FOXJ3: variants seen among roughly 807,000 people sequenced by gnomAD.
FOXJ3 encodes the protein forkhead box protein J3.
In FOXJ3, 22 loss-of-function variants were observed where a neutral mutation model predicts 76.1. The observed-to-expected ratio is 0.29, with a 90% confidence interval of 0.21 to 0.41. FOXJ3 has a LOEUF of 0.41. Among genes scored for constraint, FOXJ3 ranks in the 10% least tolerant of loss-of-function variants. FOXJ3 has a pLI of 1.00. For synonymous variants in FOXJ3, 269 were observed against 261.2 expected, an observed-to-expected ratio of 1.03 and a Z score of -0.29; for missense variants, 613 against 762.1, an observed-to-expected ratio of 0.80 and a Z score of 2.30.
intron 2 of FOXJ3, among the ~76,000 whole-genome samples, chr1:42,282,772 C>G (rs1652811001): frequency 6.6e-6 from 1 of 152,198 alleles, no homozygotes; most frequent in Non-Finnish European, 1.5e-5. Flanking sequence ...TCAATCCCCT[C>G]TTTCCATCCT....
At chr1:42,239,022 T>C (rs1217157398) in intron 4 of FOXJ3, among the ~76,000 whole-genome samples, 2 of 152,228 alleles carry the variant, frequency 1.3e-5, no homozygotes, top group Non-Finnish European at 2.9e-5. Context: ...ATGTATTTTG[T>C]TAAAATGTAT....
At position 42,178,997 on chromosome 1, in the gene FOXJ3, T is replaced by C. The variant is rs1282380839; in HGVS notation, c.*713A>G. The C allele has an allele frequency of 6.6e-6, 1 of 152,640 alleles. No individual in the cohort carries two copies. The highest frequency in any genetic ancestry group is 1.5e-5 in the Non-Finnish European group (1 of 68,046). The allele number at this position is 152,640 out of a possible 1,614,324, so 9.5% of individuals were successfully genotyped here. On this transcript the variant is annotated 3_prime_UTR_variant, in exon 13 of 13. Transcript: ENST00000361346. ...CAATCAACAAATTTTAGAGCTATTA[T>C]AATGCAGATTTAGAAAAGCAGACAT...
At chr1:42,205,677 C>T (rs2124320508) in intron 6 of FOXJ3, 85 bp downstream of exon 6, 1 of 778,504 alleles carries the variant, frequency 1.3e-6, no homozygotes, top group Non-Finnish European at 2.2e-6. Flanking sequence ...TAAACTGAAC[C>T]ATATAGGATT....
chr1:42,265,223 A>C (rs1347167525), intron 3 of FOXJ3, 34 bp from the exon 4 acceptor site: 1 of 1,184,878 alleles, frequency 8.4e-7, no homozygotes, highest in Non-Finnish European at 1.2e-6. Context: ...TAAGGTCAAT[A>C]AAATCCAAAA....
intron 9 of FOXJ3, among the ~76,000 whole-genome samples, chr1:42,191,078 T>TA (rs1400315184): frequency 2.7e-5 from 3 of 110,306 alleles, no homozygotes; most frequent in African/African-American, 1.1e-4. Context: ...AGAGTTAAAA[T>TA]AAAAACCTGC....
intron 5 of FOXJ3, among the ~76,000 whole-genome samples, chr1:42,224,896 C>T (rs908724984): frequency 3.3e-5 from 5 of 151,438 alleles, no homozygotes; most frequent in African/African-American, 9.7e-5. Flanking sequence ...AGACCAGCCT[C>T]GGCAACATGG....
intron 7 of FOXJ3, among the ~76,000 whole-genome samples, chr1:42,196,146 TAC>T (rs945831688): frequency 1.2e-4 from 18 of 152,360 alleles, no homozygotes; most frequent in African/African-American, 4.3e-4. Flanking sequence ...GTTCCTCTAT[TAC>T]AGAGTGAGCT....
intron 4 of FOXJ3, among the ~76,000 whole-genome samples, chr1:42,228,321 T>C (rs1484919920): frequency 1.3e-5 from 2 of 152,130 alleles, no homozygotes; most frequent in Non-Finnish European, 2.9e-5. Flanking sequence ...TACTGTAGTT[T>C]CTATAGCCCA....
rs753793818 is a variant in FOXJ3 at position 42,205,848 on chromosome 1, T to C, written c.544A>G (p.Ser182Gly). The change falls in exon 6 of 13, where the codon AGC becomes GGC. Residue 182 changes from serine to glycine, a missense_variant. Transcript: ENST00000361346. ...RSVERASTPY[S>G]IDSDSLGMEC... Reference sequence around the variant, plus strand: ...ATTCCCAAAGAATCTGAATCTATGCTATATGGAGTTGAGGCCTAAAATACA... The same window carrying C: ...ATTCCCAAAGAATCTGAATCTATGCCATATGGAGTTGAGGCCTAAAATACA... 1.2e-6 allele frequency: 2 copies of C among 1,606,500 alleles called. No homozygotes were observed.
chr1:42,183,308 TGGGGG>T (rs1646364262), intron 11 of FOXJ3, among the ~76,000 whole-genome samples: 2 of 3,832 alleles, frequency 5.2e-4, no homozygotes, highest in African/African-American at 9.8e-4. Context: ...CGGGGCGGGG[TGGGGG>T]AGGGGAGGGG....
intron 11 of FOXJ3, among the ~76,000 whole-genome samples, chr1:42,183,038 G>A (rs372208055): frequency 5.3e-5 from 8 of 150,344 alleles, no homozygotes; most frequent in South Asian, 2.1e-4. Flanking sequence ...ACTTTGGGAG[G>A]CAGAGGCGGG....
chr1:42,267,890 A>G (rs1392465495), intron 3 of FOXJ3, among the ~76,000 whole-genome samples: 7 of 152,138 alleles, frequency 4.6e-5, no homozygotes, highest in African/African-American at 1.4e-4. Context: ...AAAGGCTCAG[A>G]GAATTTTGAG....
intron 4 of FOXJ3, among the ~76,000 whole-genome samples, chr1:42,234,934 A>G (rs1268094680): frequency 1.3e-5 from 2 of 152,196 alleles, no homozygotes; most frequent in African/African-American, 4.8e-5. Flanking sequence ...CAAAGCTGTA[A>G]GACAGGGACA....
chr1:42,221,960 AAAAAAAG>A (rs1170688715), intron 5 of FOXJ3, among the ~76,000 whole-genome samples: 1 of 76,616 alleles, frequency 1.3e-5, no homozygotes. Flanking sequence ...TAAAAAAAAA[AAAAAAAG>A]AAGAAGGGGG....
At chr1:42,188,373 T>C (rs984593018) in intron 11 of FOXJ3, among the ~76,000 whole-genome samples, 4 of 152,360 alleles carry the variant, frequency 2.6e-5, no homozygotes, top group Admixed American at 6.5e-5. Flanking sequence ...ACAAGACACG[T>C]TGATTTCCAT....
At chr1:42,243,194 T>A (rs749265599) in intron 4 of FOXJ3, among the ~76,000 whole-genome samples, 2 of 151,978 alleles carry the variant, frequency 1.3e-5, no homozygotes, top group Non-Finnish European at 2.9e-5. Context: ...GAGTCCTACA[T>A]CCATGAGCAA....
intron 1 of FOXJ3, among the ~76,000 whole-genome samples, chr1:42,325,347 C>A (rs1399700299): frequency 1.3e-5 from 2 of 152,180 alleles, no homozygotes; most frequent in African/African-American, 2.4e-5. Context: ...CCATTAAGTT[C>A]TTTGAACAAG....
chr1:42,202,536 CTA>C (rs1187912752), intron 6 of FOXJ3, among the ~76,000 whole-genome samples: 5 of 152,088 alleles, frequency 3.3e-5, no homozygotes, highest in Non-Finnish European at 7.4e-5. Flanking sequence ...AAATGGTTAA[CTA>C]TGTGGGTAAA....
At chr1:42,289,726 A>T (rs1653295082) in intron 2 of FOXJ3, among the ~76,000 whole-genome samples, 1 of 152,200 alleles carries the variant, frequency 6.6e-6, no homozygotes, top group African/African-American at 2.4e-5. Flanking sequence ...TTAACAATAT[A>T]AAATGTCTGA....
Sources: gnomAD v4.1 joint callset for allele counts (sites outside exome capture counted in the v4.1 genomes callset) on GRCh38, gnomAD v4.1.1 for gene constraint, MANE v1.5 for transcripts, NCBI Gene and HGNC (gene_info 2026-07-23, HGNC 2026-07-21) for gene names.